Variants in TRPM3 observed in about 807,000 individuals in gnomAD.
The protein encoded by TRPM3 is long transient receptor potential channel 3.
TRPM3 carries 77 observed loss-of-function variants against 181.2 expected under a neutral mutation model. That is an observed-to-expected ratio of 0.42 (90% CI 0.35 to 0.51). The LOEUF is 0.51. TRPM3 is among the 20% of genes least tolerant of loss of function. The probability of loss-of-function intolerance (pLI) is 0.01; values close to 1 mark genes in which losing one functional copy is unlikely to be tolerated. For missense variants in TRPM3, 1,759 were observed against 2,196.7 expected (o/e 0.80, Z 3.98); for synonymous variants, 745 against 796.4 (o/e 0.94, Z 1.09).
intron 1 of TRPM3, among the ~76,000 whole-genome samples, chr9:71,336,476 T>C (rs1192337594): frequency 1.3e-5 from 2 of 152,088 alleles, no homozygotes; most frequent in Admixed American, 1.3e-4. Context: ...TGGAAAAACA[T>C]CCCATGCTCA....
intron 9 of TRPM3, among the ~76,000 whole-genome samples, chr9:70,679,881 G>A (rs1448768101): frequency 6.6e-6 from 1 of 152,128 alleles, no homozygotes; most frequent in Non-Finnish European, 1.5e-5. Context: ...TTTTGTCTCT[G>A]ATAAGGGGAG....
At chr9:71,325,715 C>T (rs566746611) in intron 1 of TRPM3, among the ~76,000 whole-genome samples, 4 of 152,130 alleles carry the variant, frequency 2.6e-5, no homozygotes, top group South Asian at 2.1e-4. Context: ...TTCTTCTCAA[C>T]GATCCTGACA....
chr9:71,006,236 T>C (rs1420751981), intron 1 of TRPM3, among the ~76,000 whole-genome samples: 1 of 151,206 alleles, frequency 6.6e-6, no homozygotes, highest in Non-Finnish European at 1.5e-5. Context: ...CTAGAGAAAA[T>C]CACTTAACTA....
intron 1 of TRPM3, among the ~76,000 whole-genome samples, chr9:70,934,049 T>C (rs1203728603): frequency 6.6e-6 from 1 of 152,194 alleles, no homozygotes; most frequent in Non-Finnish European, 1.5e-5. Context: ...ATTCTCTTCA[T>C]GTGCACCAAC....
At chr9:71,013,213 C>A (rs999389625) in intron 1 of TRPM3, among the ~76,000 whole-genome samples, 37 of 152,022 alleles carry the variant, frequency 2.4e-4, no homozygotes, top group African/African-American at 8.4e-4. Context: ...GATAATATGA[C>A]TTTTTTCCTT....
intron 6 of TRPM3, among the ~76,000 whole-genome samples, chr9:70,799,238 AG>A (rs777732054): frequency 4.6e-5 from 7 of 152,238 alleles, no homozygotes; most frequent in Admixed American, 1.3e-4. Flanking sequence ...ATGTTTTCAC[AG>A]CTCAAGTGCT....
chr9:71,342,659 T>C (rs1361942711), intron 1 of TRPM3, among the ~76,000 whole-genome samples: 2 of 152,208 alleles, frequency 1.3e-5, no homozygotes, highest in Middle Eastern at 3.4e-3. Flanking sequence ...AATGCAGCAG[T>C]TTTTACAAAA....
intron 1 of TRPM3, among the ~76,000 whole-genome samples, chr9:71,282,613 C>T (rs1213917975): frequency 6.6e-6 from 1 of 152,120 alleles, no homozygotes; most frequent in Non-Finnish European, 1.5e-5. Flanking sequence ...TCTGTGAGCA[C>T]CATCTGTATA....
intron 1 of TRPM3, among the ~76,000 whole-genome samples, chr9:71,064,865 A>G (rs895697957): frequency 6.6e-6 from 1 of 152,256 alleles, no homozygotes; most frequent in Middle Eastern, 3.4e-3. Context: ...CTATCTTCTT[A>G]TTAGCCCAGA....
At chr9:71,185,334 C>T (rs1166269892) in intron 1 of TRPM3, among the ~76,000 whole-genome samples, 1 of 152,116 alleles carries the variant, frequency 6.6e-6, no homozygotes, top group Non-Finnish European at 1.5e-5. Context: ...AAGCATGATC[C>T]CATCCCTTTA....
intron 1 of TRPM3, among the ~76,000 whole-genome samples, chr9:71,439,254 G>T (rs1160987918): frequency 1.3e-5 from 2 of 152,076 alleles, no homozygotes; most frequent in Admixed American, 1.3e-4. Context: ...TCTAATTTCA[G>T]AAAAATTAAA....
At chr9:71,386,191 C>T (rs2092919287) in intron 1 of TRPM3, among the ~76,000 whole-genome samples, 1 of 152,030 alleles carries the variant, frequency 6.6e-6, no homozygotes, top group African/African-American at 2.4e-5. Context: ...TGGCTCCTGC[C>T]TGTAATCCCA....
intron 3 of TRPM3, among the ~76,000 whole-genome samples, chr9:70,856,688 G>A (rs1350380237): frequency 1.3e-5 from 2 of 152,084 alleles, no homozygotes; most frequent in Admixed American, 6.6e-5. Flanking sequence ...TATATAGTTA[G>A]AGCTTTAAGT....
intron 9 of TRPM3, among the ~76,000 whole-genome samples, chr9:70,642,600 G>A (rs4355840): frequency 3.5e-4 from 53 of 152,274 alleles, no homozygotes; most frequent in Middle Eastern, 3.4e-3. Context: ...GGATCCAGGC[G>A]CGGATATTTT....
chr9:70,945,572 A>T (rs2096924937), intron 1 of TRPM3, among the ~76,000 whole-genome samples: 1 of 152,186 alleles, frequency 6.6e-6, no homozygotes, highest in Admixed American at 6.5e-5. Context: ...ACTACAGGAC[A>T]TTAACCAACT....
At chr9:71,423,635 G>A (rs1222892884) in intron 1 of TRPM3, among the ~76,000 whole-genome samples, 3 of 152,046 alleles carry the variant, frequency 2.0e-5, no homozygotes, top group Admixed American at 2.0e-4. Context: ...AAAACAAAGT[G>A]CATTATGCCT....
chr9:71,279,666 A>C (rs2084541571), intron 1 of TRPM3, among the ~76,000 whole-genome samples: 1 of 152,164 alleles, frequency 6.6e-6, no homozygotes, highest in Non-Finnish European at 1.5e-5. Flanking sequence ...GCAGGCTCAG[A>C]GGACAACCTC....
In TRPM3 at chr9:71,394,827, T is replaced by C. The variant is rs143109957; in HGVS notation, c.183+51826A>G. On this transcript the variant is annotated intron_variant, in intron 1 of 24. Coordinates refer to the TRPM3 transcript ENST00000357533. Reference sequence around the variant, plus strand: ...CTCCTAAAATACGTTACAGTGTCAATATACAAACCTTCACCTCCTGTTACT... The same window carrying C: ...CTCCTAAAATACGTTACAGTGTCAACATACAAACCTTCACCTCCTGTTACT... 7.2e-5 allele frequency among the ~76,000 whole-genome samples: 11 copies of C among 152,352 alleles called. No homozygotes were observed. In the East Asian group the frequency reaches 1.9e-3, roughly 27 times the overall value.
rs1423752814 is a variant in TRPM3, at chr9:71,165,298, AT to A, written c.183+281354del. On this transcript the variant is annotated intron_variant, in intron 1 of 24. Coordinates refer to the TRPM3 transcript ENST00000357533. ...CAGCATTTAGAACAGTGCCTGGTCTATAGATAGTAAGCATCACTGAAGTGTT... is the reference window on the plus strand; with the variant it reads ...CAGCATTTAGAACAGTGCCTGGTCTAAGATAGTAAGCATCACTGAAGTGTT... Among the ~76,000 whole-genome samples, 71 of 152,316 alleles carry A rather than the reference AT, an allele frequency of 4.7e-4. No individual in the cohort carries two copies. The East Asian group carries it at 0.013, about 28-fold the overall frequency.
Sources: gnomAD v4.1 joint callset for allele counts (sites outside exome capture counted in the v4.1 genomes callset) on GRCh38, gnomAD v4.1.1 for gene constraint, MANE v1.5 for transcripts, NCBI Gene and HGNC (gene_info 2026-07-23, HGNC 2026-07-21) for gene names.